Variants in SPIDR observed in about 807,000 individuals in gnomAD.
The protein encoded by SPIDR is scaffold protein involved in DNA repair.
A neutral mutation model predicts 104.6 loss-of-function variants in SPIDR; 93 were observed. The ratio of observed to expected loss-of-function variants is 0.89; its 90% CI spans 0.75 to 1.06. The LOEUF (loss-of-function observed/expected upper bound fraction) is 1.06, where lower values mean the gene tolerates loss of function less well. SPIDR is among the 50% of genes least tolerant of loss of function. SPIDR has a pLI of 0.00. For missense variants in SPIDR, 1,154 were observed against 1,111.2 expected (o/e 1.04, Z -0.55); for synonymous variants, 431 against 416.9 (o/e 1.03, Z -0.41).
chr8:47,730,874 G>C (rs1233170497), intron 19 of SPIDR, among the ~76,000 whole-genome samples: 1 of 152,150 alleles, frequency 6.6e-6, no homozygotes, highest in Non-Finnish European at 1.5e-5. Flanking sequence ...TGTCAGAGTT[G>C]GATTAAATTG....
chr8:47,349,607 A>G (rs1331832274), intron 5 of SPIDR, among the ~76,000 whole-genome samples: 2 of 152,184 alleles, frequency 1.3e-5, no homozygotes, highest in Non-Finnish European at 2.9e-5. Context: ...AGGCTTGTTG[A>G]GCTGCAGTGG....
intron 7 of SPIDR, among the ~76,000 whole-genome samples, chr8:47,425,089 A>G (rs1163889145): frequency 1.3e-5 from 2 of 152,214 alleles, no homozygotes; most frequent in African/African-American, 4.8e-5. Flanking sequence ...TAAGCAACCA[A>G]GTAATATTCT....
intron 10 of SPIDR, among the ~76,000 whole-genome samples, chr8:47,625,378 T>G (rs1460220180): frequency 6.6e-6 from 1 of 152,230 alleles, no homozygotes; most frequent in Non-Finnish European, 1.5e-5. Flanking sequence ...TGTTGGAAGT[T>G]CTGGCCAGGG....
At chr8:47,503,706 G>A (rs2080959098) in intron 8 of SPIDR, among the ~76,000 whole-genome samples, 1 of 152,178 alleles carries the variant, frequency 6.6e-6, no homozygotes, top group South Asian at 2.1e-4. Context: ...TTGCTCATTA[G>A]TTAATGCATT....
chr8:47,609,951 A>C (rs563756555), intron 10 of SPIDR, among the ~76,000 whole-genome samples: 2 of 152,310 alleles, frequency 1.3e-5, no homozygotes, highest in Non-Finnish European at 2.9e-5. Context: ...ACAGACAATT[A>C]TGAAGTTTTG....
chr8:47,613,835 G>T (rs1276186558), intron 10 of SPIDR, among the ~76,000 whole-genome samples: 1 of 152,048 alleles, frequency 6.6e-6, no homozygotes, highest in Non-Finnish European at 1.5e-5. Flanking sequence ...TATTTTTATT[G>T]TTGAGTTGTA....
intron 10 of SPIDR, chr8:47,667,964 A>G (rs1244340712): frequency 6.6e-5 from 10 of 152,326 alleles, no homozygotes; most frequent in Admixed American, 6.5e-5. Flanking sequence ...GACAAGATGG[A>G]AAAATCCCTA....
At chr8:47,357,065 T>A (rs2054690656) in intron 5 of SPIDR, among the ~76,000 whole-genome samples, 1 of 152,170 alleles carries the variant, frequency 6.6e-6, no homozygotes, top group Admixed American at 6.5e-5. Context: ...TAGAATTAGA[T>A]CATAAGAGAA....
At chr8:47,310,397 A>C (rs1296467332) in intron 5 of SPIDR, among the ~76,000 whole-genome samples, 1 of 151,970 alleles carries the variant, frequency 6.6e-6, no homozygotes, top group Non-Finnish European at 1.5e-5. Flanking sequence ...TATTATAAAC[A>C]ATTCTTTGGA....
intron 8 of SPIDR, among the ~76,000 whole-genome samples, chr8:47,455,324 A>G (rs1242693472): frequency 6.6e-6 from 1 of 152,160 alleles, no homozygotes; most frequent in African/African-American, 2.4e-5. Context: ...TATTTAAGAT[A>G]TTGATTGTAA....
intron 10 of SPIDR, among the ~76,000 whole-genome samples, chr8:47,651,517 C>G (rs2071624972): frequency 6.6e-6 from 1 of 152,106 alleles, no homozygotes; most frequent in African/African-American, 2.4e-5. Context: ...TAAATTAGTA[C>G]AGGTCTATGG....
intron 5 of SPIDR, among the ~76,000 whole-genome samples, chr8:47,323,269 A>T (rs1252275948): frequency 6.6e-6 from 1 of 152,132 alleles, no homozygotes; most frequent in African/African-American, 2.4e-5. Context: ...CTGTGTGAAA[A>T]ATCTTCTCAG....
intron 16 of SPIDR, among the ~76,000 whole-genome samples, chr8:47,723,022 GTTA>G (rs760320156): frequency 1.1e-3 from 162 of 151,012 alleles, no homozygotes; most frequent in African/African-American, 2.9e-3. Flanking sequence ...TTTTGTTGTT[GTTA>G]TTGTTGTTGT....
chr8:47,715,425 C>T (rs368238629), intron 16 of SPIDR, among the ~76,000 whole-genome samples: 7 of 152,150 alleles, frequency 4.6e-5, no homozygotes, highest in Non-Finnish European at 1.0e-4. Context: ...GATCTCCTCT[C>T]CTCGGCCTCC....
chr8:47,517,738 A>G lies in SPIDR; in HGVS notation c.1097+77196A>G, dbSNP rs367933612. ...AGAACATCTTGTAATCATGAAATCA[A>G]TGAAAAATTTGCTAATTTTCGTGGT... On this transcript the variant is annotated intron_variant, in intron 8 of 19. Coordinates refer to ENST00000297423, the MANE Select transcript of SPIDR (RefSeq NM_001080394.4). 1.5e-4 allele frequency among the ~76,000 whole-genome samples: 23 copies of G among 152,340 alleles called. No homozygotes were observed. The East Asian group carries it at 4.2e-3, about 28-fold the overall frequency.
intron 10 of SPIDR, among the ~76,000 whole-genome samples, chr8:47,613,603 A>T (rs2154431928): frequency 6.6e-6 from 1 of 152,308 alleles, no homozygotes; most frequent in East Asian, 1.9e-4. Flanking sequence ...ACATCATTTT[A>T]AATTTTCACC....
intron 8 of SPIDR, among the ~76,000 whole-genome samples, chr8:47,554,309 T>A (rs191109906): frequency 6.6e-6 from 1 of 152,204 alleles, no homozygotes; most frequent in African/African-American, 2.4e-5. Context: ...TCTGCAGAAA[T>A]TGGCTGCTGC....
intron 8 of SPIDR, among the ~76,000 whole-genome samples, chr8:47,539,242 A>G (rs1261484103): frequency 1.3e-5 from 2 of 152,158 alleles, no homozygotes; most frequent in Admixed American, 1.3e-4. Context: ...ACTAGCGGAG[A>G]TTAACCTTTT....
chr8:47,733,600 G>A (rs542261680), intron 19 of SPIDR, among the ~76,000 whole-genome samples: 3 of 151,324 alleles, frequency 2.0e-5, no homozygotes, highest in Non-Finnish European at 4.4e-5. Context: ...CGCATATGCC[G>A]CCTCCACCCT....
Sources: allele counts gnomAD v4.1 joint callset (sites outside exome capture counted in the v4.1 genomes callset), GRCh38; gene constraint gnomAD v4.1.1; transcripts MANE v1.5; gene names NCBI Gene and HGNC (gene_info 2026-07-23, HGNC 2026-07-21).